TMX4: variants seen among roughly 807,000 people sequenced by gnomAD.
The protein encoded by TMX4 is thioredoxin-related transmembrane protein 4.
Under a neutral mutation model 33.3 loss-of-function variants are expected in TMX4, and 23 were observed. That is an observed-to-expected ratio of 0.69 (90% CI 0.50 to 0.98). The LOEUF is 0.98. TMX4 is among the 50% of genes least tolerant of loss of function. The probability of loss-of-function intolerance (pLI) is 0.00; values close to 1 mark genes in which losing one functional copy is unlikely to be tolerated. For missense variants in TMX4, 399 were observed against 448.9 expected, an observed-to-expected ratio of 0.89 and a Z score of 1.01; for synonymous variants, 164 against 161.5, an observed-to-expected ratio of 1.02 and a Z score of -0.12.
intron 5 of TMX4, among the ~76,000 whole-genome samples, chr20:7,989,819 T>C (rs1156236001): frequency 1.3e-5 from 2 of 152,342 alleles, no homozygotes; most frequent in East Asian, 1.9e-4. Flanking sequence ...TTTTAGATCA[T>C]TGTGTTTCTG....
chr20:7,980,618 A>G lies in TMX4; in HGVS notation c.*1633T>C, dbSNP rs1005102030. ...TTTGAAGCTGCACTACTGTCTGAAA[A>G]GCACAATTACTGGTGACTCTTAACA... On this transcript the variant is annotated 3_prime_UTR_variant, in exon 8 of 8. Transcript: ENST00000246024. The G allele has an allele frequency of 6.6e-6, 1 of 152,298 alleles. No individual in the cohort carries two copies. The highest frequency in any genetic ancestry group is 2.4e-5 in the African/African-American group (1 of 41,462). 9.4% of individuals were successfully genotyped at this position (152,298 alleles called of 1,614,324 possible).
At chr20:8,018,363 A>T in intron 1 of TMX4, among the ~76,000 whole-genome samples, 1 of 74,346 alleles carries the variant, frequency 1.3e-5, no homozygotes, top group African/African-American at 6.1e-5. Context: ...AGAGAGAGAG[A>T]GAGAGGAGAG....
At position 8,001,523 on chromosome 20, in the gene TMX4, A is replaced by G; in HGVS notation, c.311T>C (p.Phe104Ser). ...AAAAAATGCTGGGAGAGTGGTGACAAAGAAGCGGCCACTCAAACCTACAAG... is the reference window on the plus strand; with the variant it reads ...AAAAAATGCTGGGAGAGTGGTGACAGAGAAGCGGCCACTCAAACCTACAAG... ...IQEPGLSGRF[F>S]VTTLPAFFHA... Residue 104 changes from phenylalanine to serine, a missense_variant, in exon 3 of 8, where the codon TTT becomes TCT. Coordinates refer to ENST00000246024, the MANE Select transcript of TMX4 (RefSeq NM_021156.4). 3.1e-6 allele frequency: 5 copies of G among 1,600,782 alleles called. No individual in the cohort carries two copies. The highest frequency in any genetic ancestry group is 4.3e-6 in the Non-Finnish European group (5 of 1,171,880).
chr20:8,017,009 G>A (rs1015479881), intron 1 of TMX4, among the ~76,000 whole-genome samples: 4 of 151,992 alleles, frequency 2.6e-5, no homozygotes, highest in Admixed American at 6.6e-5. Context: ...ATCTGGTAAC[G>A]TATAGGCTAT....
chr20:7,989,685 TTGTC>T (rs1162931149), intron 5 of TMX4, among the ~76,000 whole-genome samples: 2 of 152,204 alleles, frequency 1.3e-5, no homozygotes, highest in African/African-American at 4.8e-5. Flanking sequence ...TCTGTCTACT[TTGTC>T]TGAGTCTACA....
intron 2 of TMX4, among the ~76,000 whole-genome samples, chr20:8,004,188 A>G (rs1039158993): frequency 1.3e-5 from 2 of 152,038 alleles, no homozygotes; most frequent in Non-Finnish European, 2.9e-5. Context: ...GTCTCATCTC[A>G]GTACTCCAAA....
At chr20:8,006,816 T>C (rs2050732843) in intron 2 of TMX4, among the ~76,000 whole-genome samples, 2 of 149,948 alleles carry the variant, frequency 1.3e-5, no homozygotes, top group Non-Finnish European at 3.0e-5. Flanking sequence ...TGGAGTGCAA[T>C]AGCGCTATCT....
intron 3 of TMX4, among the ~76,000 whole-genome samples, chr20:8,001,245 T>C (rs1372500164): frequency 2.0e-5 from 3 of 152,184 alleles, no homozygotes; most frequent in African/African-American, 7.2e-5. Flanking sequence ...ATATTAAGAA[T>C]TACCCCACCT....
At chr20:7,994,795 T>C (rs1266823299) in intron 5 of TMX4, among the ~76,000 whole-genome samples, 1 of 152,190 alleles carries the variant, frequency 6.6e-6, no homozygotes, top group Non-Finnish European at 1.5e-5. Context: ...AATATCAACA[T>C]ACTGCAAAAG....
intron 2 of TMX4, among the ~76,000 whole-genome samples, chr20:8,007,558 A>G (rs2050736064): frequency 6.6e-6 from 1 of 152,168 alleles, no homozygotes; most frequent in African/African-American, 2.4e-5. Flanking sequence ...TAGAAAATCT[A>G]AACTCCTTGT....
At chr20:8,018,927 G>GCCTTCA (rs1382009850) in intron 1 of TMX4, 1 of 414,180 alleles carries the variant, frequency 2.4e-6, no homozygotes, top group Non-Finnish European at 4.8e-6. Flanking sequence ...CAAATGGCCT[G>GCCTTCA]CCTTCACCGT....
chr20:7,998,077 C>T (rs1441422345), intron 4 of TMX4, among the ~76,000 whole-genome samples: 4 of 152,052 alleles, frequency 2.6e-5, no homozygotes, highest in Non-Finnish European at 5.9e-5. Flanking sequence ...GAAGCCTCCC[C>T]AGAAGCCAAG....
Position 7,990,251 on chromosome 20 carries a change from C to T in TMX4, c.514-2862G>A, listed in dbSNP as rs945106329. Among the ~76,000 whole-genome samples, 3 of 151,666 alleles carry T rather than the reference C, an allele frequency of 2.0e-5. No homozygotes were observed. In the South Asian group the frequency reaches 6.3e-4, roughly 32 times the overall value. Reference sequence around the variant, plus strand: ...CGGAGGTTGCAGTGAGCTGAGATCGCCCCACTGCACTCCAGCCTGGGTGAC... The same window carrying T: ...CGGAGGTTGCAGTGAGCTGAGATCGTCCCACTGCACTCCAGCCTGGGTGAC... On this transcript the variant is annotated intron_variant, in intron 5 of 7. Transcript: ENST00000246024.
rs146437647 is a variant in TMX4, at chr20:7,990,771, A to G, written c.514-3382T>C. Among the ~76,000 whole-genome samples the G allele has an allele frequency of 4.6e-5, 7 of 152,344 alleles. No individual in the cohort carries two copies. In the East Asian group the frequency reaches 1.4e-3, roughly 29 times the overall value. ...AGCCCTTTATCTCTTTCAGACACAGATCAGAATCCCCAAAATATCTTCCCT... is the reference window on the plus strand; with the variant it reads ...AGCCCTTTATCTCTTTCAGACACAGGTCAGAATCCCCAAAATATCTTCCCT... On this transcript the variant is annotated intron_variant, in intron 5 of 7. Coordinates refer to ENST00000246024, the MANE Select transcript of TMX4 (RefSeq NM_021156.4).
chr20:7,996,527 C>G (rs1265249682), intron 4 of TMX4, among the ~76,000 whole-genome samples: 1 of 152,182 alleles, frequency 6.6e-6, no homozygotes, highest in Non-Finnish European at 1.5e-5. Flanking sequence ...TCATATGTCA[C>G]TGTGAAATCA....
intron 7 of TMX4, 50 bp from the exon 8 acceptor site, chr20:7,982,671 G>T: frequency 6.5e-7 from 1 of 1,531,062 alleles, no homozygotes. Context: ...ATGGTAATTC[G>T]GTAATCAATT....
chr20:8,005,933 T>A (rs1365926517), intron 2 of TMX4, among the ~76,000 whole-genome samples: 4 of 151,992 alleles, frequency 2.6e-5, no homozygotes, highest in Non-Finnish European at 1.5e-5. Flanking sequence ...TTGCACTCAT[T>A]CTCCAAGCCC....
In TMX4 at chr20:7,982,180, G is replaced by C. The variant is rs2050608984; in HGVS notation, c.*71C>G. 1 of 1,485,332 alleles carries C rather than the reference G, an allele frequency of 6.7e-7. No individual in the cohort carries two copies. The highest frequency in any genetic ancestry group is 9.0e-7 in the Non-Finnish European group (1 of 1,106,742). The allele number at this position is 1,485,332 out of a possible 1,614,324, so 92.0% of individuals were successfully genotyped here. ...TCATTCAGGAAAAATTAAGGATTTG[G>C]TACAAACTGCAGGCCAAAGGGAAGC... is the stretch of plus-strand genomic sequence containing the variant. On this transcript the variant is annotated 3_prime_UTR_variant, in exon 8 of 8. Coordinates refer to ENST00000246024, the MANE Select transcript of TMX4 (RefSeq NM_021156.4).
intron 2 of TMX4, among the ~76,000 whole-genome samples, chr20:8,003,205 T>A (rs965002753): frequency 2.0e-4 from 30 of 152,320 alleles, no homozygotes; most frequent in African/African-American, 6.5e-4. Flanking sequence ...ATACATTACT[T>A]CTTACCTAGC....
Sources: gnomAD v4.1 joint callset for allele counts (sites outside exome capture counted in the v4.1 genomes callset) on GRCh38, gnomAD v4.1.1 for gene constraint, MANE v1.5 for transcripts, NCBI Gene and HGNC (gene_info 2026-07-23, HGNC 2026-07-21) for gene names.